Variants in TMEM278 observed in about 807,000 individuals in gnomAD.
The protein encoded by TMEM278 is transmembrane protein 278, also known as transmembrane protein 88B.
the TMEM278 span, chr1:1,426,383 A>G: frequency 7.2e-7 from 1 of 1,396,522 alleles, no homozygotes; most frequent in Non-Finnish European, 9.3e-7. Context: ...GTGCCACTCG[A>G]GGGTGAGCCT....
chr1:1,427,806 A>G, the TMEM278 span: 1 of 1,373,520 alleles, frequency 7.3e-7, no homozygotes, highest in Non-Finnish European at 9.4e-7. Flanking sequence ...CCGCTGCGAA[A>G]CCCCGGGAGG....
At chr1:1,427,814 A>G in the TMEM278 span, 3 of 1,373,540 alleles carry the variant, frequency 2.2e-6, no homozygotes, top group Admixed American at 3.1e-5. Context: ...AAACCCCGGG[A>G]GGCCTCCGAG....
the TMEM278 span, chr1:1,426,148 G>C: frequency 7.1e-7 from 1 of 1,412,068 alleles, no homozygotes; most frequent in East Asian, 2.9e-5. Context: ...AGGGGAGGGA[G>C]ACGGAGGAGG....
chr1:1,427,601 CGGCTCCGCGG>C, the TMEM278 span: 1 of 1,294,050 alleles, frequency 7.7e-7, no homozygotes, highest in East Asian at 3.3e-5. Context: ...TCTCAGACCG[CGGCTCCGCGG>C]CGCTCATCGT....
chr1:1,426,375 G>A, the TMEM278 span: 1 of 1,419,940 alleles, frequency 7.0e-7, no homozygotes, highest in Non-Finnish European at 9.2e-7. Context: ...GGATTCCTGT[G>A]CCACTCGAGG....
At chr1:1,429,911 A>G in the TMEM278 span, among the ~76,000 whole-genome samples, 2 of 152,196 alleles carry the variant, frequency 1.3e-5, no homozygotes, top group African/African-American at 4.8e-5. Context: ...GCCCAGTCTG[A>G]GTGCAGTGGT....
the TMEM278 span, among the ~76,000 whole-genome samples, chr1:1,427,027 C>G: frequency 6.7e-6 from 1 of 148,772 alleles, no homozygotes; most frequent in Non-Finnish European, 1.5e-5. Flanking sequence ...TCCCCTCTCC[C>G]CGCCCTGCCT....
At chr1:1,429,946 G>A in the TMEM278 span, among the ~76,000 whole-genome samples, 2 of 152,308 alleles carry the variant, frequency 1.3e-5, no homozygotes, top group South Asian at 2.1e-4. Flanking sequence ...CTGCAGCCTC[G>A]CCCTCCCAGG....
the TMEM278 span, chr1:1,426,316 C>T: frequency 1.1e-3 from 1,653 of 1,479,190 alleles, 12 homozygotes; most frequent in African/African-American, 0.022. Context: ...TGCTGCCCGC[C>T]GCAGCCTTCC....
chr1:1,428,166 AAG>A, the TMEM278 span, among the ~76,000 whole-genome samples: 1 of 91,950 alleles, frequency 1.1e-5, no homozygotes, highest in Non-Finnish European at 2.2e-5. Context: ...AGGTGAGGGA[AAG>A]AGAGGAGAGG....
the TMEM278 span, among the ~76,000 whole-genome samples, chr1:1,429,309 C>T: frequency 3.3e-5 from 5 of 151,274 alleles, no homozygotes; most frequent in Non-Finnish European, 7.4e-5. Context: ...GAGGGTGCCA[C>T]TGCACTCCAG....
At chr1:1,427,837 C>G in the TMEM278 span, 1 of 1,344,418 alleles carries the variant, frequency 7.4e-7, no homozygotes, top group South Asian at 1.6e-5. Flanking sequence ...CGCGCGCGAC[C>G]CCATCGCGTG....
chr1:1,427,862 A>G, the TMEM278 span: 2 of 1,270,514 alleles, frequency 1.6e-6, no homozygotes, highest in Non-Finnish European at 2.0e-6. Flanking sequence ...GGCCCGGAAA[A>G]CTGAGGGTCG....
the TMEM278 span, among the ~76,000 whole-genome samples, chr1:1,428,999 C>CAA: frequency 0.021 from 1,917 of 93,188 alleles, 87 homozygotes; most frequent in East Asian, 0.12. Context: ...GGCTCCGTCT[C>CAA]AAAAAAAAAA....
chr1:1,426,323 T>C, the TMEM278 span: 9 of 1,469,458 alleles, frequency 6.1e-6, no homozygotes, highest in African/African-American at 8.8e-5. Flanking sequence ...CGCCGCAGCC[T>C]TCCTGCTGGT....
chr1:1,426,305 C>T, the TMEM278 span: 14 of 1,491,710 alleles, frequency 9.4e-6, no homozygotes, highest in African/African-American at 1.6e-4. Flanking sequence ...GCTGCACCTC[C>T]TGCTGCCCGC....
At chr1:1,427,607 C>T in the TMEM278 span, 1 of 1,305,708 alleles carries the variant, frequency 7.7e-7, no homozygotes, top group South Asian at 1.9e-5. Context: ...ACCGCGGCTC[C>T]GCGGCGCTCA....
chr1:1,427,914 C>G, the TMEM278 span: 1 of 924,098 alleles, frequency 1.1e-6, no homozygotes, highest in Non-Finnish European at 1.4e-6. Context: ...GCGCTCCCGG[C>G]TTACGACCCC....
chr1:1,427,838 C>T, the TMEM278 span: 2 of 1,343,148 alleles, frequency 1.5e-6, no homozygotes, highest in Middle Eastern at 2.5e-4. Flanking sequence ...GCGCGCGACC[C>T]CATCGCGTGG....
Sources: allele counts gnomAD v4.1 joint callset (sites outside exome capture counted in the v4.1 genomes callset), GRCh38; gene constraint gnomAD v4.1.1; transcripts MANE v1.5; gene names NCBI Gene and HGNC (gene_info 2026-07-23, HGNC 2026-07-21).